The following PIP5K1C variants were observed in gnomAD, a reference collection of about 807,000 sequenced individuals.
PIP5K1C encodes phosphatidylinositol 4-phosphate 5-kinase type-1 gamma.
A neutral mutation model predicts 80.1 loss-of-function variants in PIP5K1C; 45 were observed. The observed-to-expected ratio is 0.56, with a 90% CI of 0.44 to 0.72. PIP5K1C has a LOEUF of 0.72. Among genes scored for constraint, PIP5K1C ranks in the 30% least tolerant of loss-of-function variants. PIP5K1C has a pLI of 0.00. For missense variants in PIP5K1C, 753 were observed against 954.6 expected, an observed-to-expected ratio of 0.79 and a Z score of 2.78; for synonymous variants, 498 against 420.1, an observed-to-expected ratio of 1.19 and a Z score of -2.27.
In PIP5K1C at chr19:3,688,583, GC is replaced by G. The variant is rs2035845069; in HGVS notation, c.94+11713del. Among the ~76,000 whole-genome samples, 1 of 151,956 alleles carries G rather than the reference GC, an allele frequency of 6.6e-6. No homozygotes were observed. The highest frequency in any genetic ancestry group is 6.5e-5 in the Admixed American group (1 of 15,270). ...CCACTGAGAGCCGCGTGTGTTTTTT[GC>G]GGTTTTGCTGGTGATTCTGCTGCTG... On this transcript the variant is annotated intron_variant, in intron 1 of 17. Coordinates refer to ENST00000335312, the MANE Select transcript of PIP5K1C (RefSeq NM_012398.3). This position sits in a 1 kb window ranked among gnomAD's most constrained non-coding sequence, Gnocchi z 5.3.
intron 14 of PIP5K1C, 65 bp from the exon 15 acceptor site, chr19:3,641,874 T>G: frequency 1.5e-6 from 2 of 1,332,058 alleles, no homozygotes; most frequent in South Asian, 2.4e-5. Flanking sequence ...CCCCCAGGAG[T>G]GCCCAGTGAA....
intron 14 of PIP5K1C, among the ~76,000 whole-genome samples, chr19:3,642,342 G>A (rs2033997461): frequency 6.6e-6 from 1 of 152,224 alleles, no homozygotes; most frequent in Non-Finnish European, 1.5e-5. Context: ...TGTCCCCGAG[G>A]GCTGGGCACT....
At chr19:3,662,542 G>A (rs1305991966) in intron 3 of PIP5K1C, among the ~76,000 whole-genome samples, 3 of 152,138 alleles carry the variant, frequency 2.0e-5, no homozygotes, top group East Asian at 1.9e-4. Context: ...TCTTGCGGAC[G>A]TGGTGTCAGC....
intron 1 of PIP5K1C, among the ~76,000 whole-genome samples, chr19:3,675,064 A>AG (rs1439957756): frequency 1.3e-5 from 2 of 152,062 alleles, no homozygotes; most frequent in Non-Finnish European, 2.9e-5. Flanking sequence ...AGAGACAGGG[A>AG]GGGGATGCAT....
In PIP5K1C at chr19:3,644,150, C is replaced by T. The variant is rs199563464; in HGVS notation, c.1447G>A (p.Glu483Lys). The T allele has an allele frequency of 2.9e-5, 47 of 1,612,014 alleles. No individual in the cohort carries two copies. The highest frequency in any genetic ancestry group is 3.6e-5 in the Non-Finnish European group (43 of 1,179,884). The change falls in exon 12 of 18, where the codon GAG becomes AAG. Residue 483 changes from glutamate to lysine, a missense_variant. Glu to Lys is a moderately conservative substitution (Grantham distance 56). Around this residue, in one of 6 missense-constraint regions of PIP5K1C, gnomAD observed 315 missense variants for 294.5 expected, o/e 1.07. Coordinates refer to ENST00000335312, the MANE Select transcript of PIP5K1C (RefSeq NM_012398.3). ...AAFSASQIPS[E>K]REEAQYDLRG... is the part of the protein sequence containing the mutation. Reference sequence around the variant, plus strand: ...AGGTCGTACTGGGCCTCCTCCCGCTCGCTAGGGATCTGGCTGGCCGAGAAG... The same window carrying T: ...AGGTCGTACTGGGCCTCCTCCCGCTTGCTAGGGATCTGGCTGGCCGAGAAG...
In PIP5K1C at chr19:3,688,615, G is replaced by GCC. The variant is rs35380287; in HGVS notation, c.94+11680_94+11681dup. Among the ~76,000 whole-genome samples the GCC allele has an allele frequency of 0.013, 1,969 of 152,048 alleles. 58 individuals carry two copies. Among genetic ancestry groups the GCC allele is most frequent in the African/African-American group, 0.045 (1,861 of 41,420 alleles). Reference sequence around the variant, plus strand: ...TGCTGGTGATTCTGCTGCTGAAATTGCCCCCCCAGGCATTGTCCTCAGGTG... The same window carrying GCC: ...TGCTGGTGATTCTGCTGCTGAAATTGCCCCCCCCCAGGCATTGTCCTCAGGTG... On this transcript the variant is annotated intron_variant, in intron 1 of 17. Coordinates refer to ENST00000335312, the MANE Select transcript of PIP5K1C (RefSeq NM_012398.3). The surrounding 1 kb of genome is among the most constrained non-coding windows in gnomAD (Gnocchi z 5.3).
chr19:3,665,782 G>A (rs1451012093), intron 2 of PIP5K1C, among the ~76,000 whole-genome samples: 1 of 152,118 alleles, frequency 6.6e-6, no homozygotes, highest in Non-Finnish European at 1.5e-5. Context: ...GGGAGGATGT[G>A]AGGAGGGGCC....
chr19:3,655,258 A>C (rs1346247435), intron 6 of PIP5K1C, among the ~76,000 whole-genome samples: 1 of 151,546 alleles, frequency 6.6e-6, no homozygotes, highest in Non-Finnish European at 1.5e-5. Context: ...CTCTACTAAA[A>C]ATATAAAAAA....
At chr19:3,652,176 G>C (rs2034476650) in intron 7 of PIP5K1C, 145 bp from the exon 8 acceptor site, 1 of 686,908 alleles carries the variant, frequency 1.5e-6, no homozygotes, top group East Asian at 2.9e-5. Context: ...CAGGAGTGGG[G>C]GTTCTAGTGT....
chr19:3,697,301 T>C (rs1421741641), intron 1 of PIP5K1C, among the ~76,000 whole-genome samples: 3 of 100,116 alleles, frequency 3.0e-5, no homozygotes, highest in Admixed American at 1.1e-4. Context: ...CCGAGCCGGA[T>C]GGAGGAGGAC....
At chr19:3,693,718 C>CA (rs56189851) in intron 1 of PIP5K1C, among the ~76,000 whole-genome samples, 44,654 of 151,978 alleles carry the variant, frequency 0.29, 7,111 homozygotes, top group African/African-American at 0.43. Context: ...GCTAGGGCCT[C>CA]ACCCATCCCT....
intron 1 of PIP5K1C, among the ~76,000 whole-genome samples, chr19:3,690,107 T>G (rs544312775): frequency 3.1e-5 from 3 of 96,260 alleles, no homozygotes; most frequent in Admixed American, 1.8e-4. Flanking sequence ...GTCTGATTAC[T>G]TTTTTTTTTT....
rs370385321 is a variant in PIP5K1C, at chr19:3,643,252, G to T, written c.1640C>A (p.Pro547Gln). The T allele has an allele frequency of 1.2e-6, 2 of 1,613,558 alleles. No individual in the cohort carries two copies. Among genetic ancestry groups the T allele is most frequent in the African/African-American group, 1.3e-5 (1 of 75,036 alleles). Residue 547 changes from proline to glutamine, a missense_variant, in exon 13 of 18, where the codon CCG (proline) becomes CAG (glutamine). This residue lies in a region of PIP5K1C where 315 missense variants were observed against 294.5 expected (regional missense o/e 1.07). Coordinates refer to ENST00000335312, the MANE Select transcript of PIP5K1C (RefSeq NM_012398.3). ...ERSPSETSEQ[P>Q]RYRRRTQSSG... ...CGGATGCCTCGCCCACCTGTACCGC[G>T]GCTGCTCCGACGTCTCCGAGGGGGA... is the stretch of plus-strand genomic sequence containing the variant.
intron 16 of PIP5K1C, chr19:3,638,014 C>CA: frequency 1.3e-6 from 2 of 1,509,316 alleles, no homozygotes; most frequent in Middle Eastern, 4.1e-4. Flanking sequence ...CCACTGGAGA[C>CA]AGAGCAGGGG....
chr19:3,677,765 T>C (rs1274025958), intron 1 of PIP5K1C, among the ~76,000 whole-genome samples: 24 of 43,334 alleles, frequency 5.5e-4, no homozygotes, highest in Non-Finnish European at 4.6e-5. Context: ...GGATGGAGGA[T>C]GGAGGATGGA....
At chr19:3,669,108 G>A (rs1376684152) in intron 1 of PIP5K1C, among the ~76,000 whole-genome samples, 6 of 152,166 alleles carry the variant, frequency 3.9e-5, no homozygotes, top group Non-Finnish European at 7.4e-5. Flanking sequence ...CCCCTTCCTA[G>A]AGGAAGAGGC....
intron 16 of PIP5K1C, 54 bp from the exon 17 acceptor site, chr19:3,633,574 T>G: frequency 1.6e-6 from 2 of 1,225,204 alleles, no homozygotes. Flanking sequence ...TGCGAGGAGG[T>G]GCAAGAGAGG....
At chr19:3,646,606 T>C (rs2034224398) in intron 10 of PIP5K1C, among the ~76,000 whole-genome samples, 1 of 152,186 alleles carries the variant, frequency 6.6e-6, no homozygotes, top group African/African-American at 2.4e-5. Flanking sequence ...GCCAGCCTCG[T>C]CAGAGCCGAG....
Position 3,637,177 on chromosome 19 carries a change from A to C in PIP5K1C, c.1920+1707T>G. ...GGCAGCCAGGTCTGCACGAGTGAGAAGCGTCCACCCAAGACACCCTGACAC... is the reference window on the plus strand; with the variant it reads ...GGCAGCCAGGTCTGCACGAGTGAGACGCGTCCACCCAAGACACCCTGACAC... On this transcript the variant is annotated intron_variant, in intron 16 of 17. Transcript: ENST00000335312. The surrounding 1 kb of genome is among the most constrained non-coding windows in gnomAD (Gnocchi z 7.0). 1.4e-6 allele frequency: 2 copies of C among 1,422,204 alleles called. No homozygotes were observed. Among genetic ancestry groups the C allele is most frequent in the Non-Finnish European group, 1.8e-6 (2 of 1,091,630 alleles). The allele number at this position is 1,422,204 out of a possible 1,614,324, so 88.1% of individuals were successfully genotyped here. A position where few individuals can be genotyped will look rare whatever the true frequency, so the allele number is the denominator to read the frequency against.
Sources: gnomAD v4.1 joint callset for allele counts (sites outside exome capture counted in the v4.1 genomes callset) on GRCh38, gnomAD v4.1.1 for gene constraint, gnomAD v4.1.1 regional missense constraint, Gnocchi (gnomAD v3.1) non-coding constraint, MANE v1.5 for transcripts, NCBI Gene and HGNC (gene_info 2026-07-23, HGNC 2026-07-21) for gene names.